ZNF573: variants seen among roughly 807,000 people sequenced by gnomAD.
The protein encoded by ZNF573 is zinc finger protein 573.
Under a neutral mutation model 57.4 loss-of-function variants are expected in ZNF573, and 41 were observed. The ratio of observed to expected loss-of-function variants is 0.71; its 90% CI spans 0.56 to 0.93. The LOEUF (loss-of-function observed/expected upper bound fraction) is 0.93. ZNF573 is among the 40% of genes least tolerant of loss of function. ZNF573 has a pLI of 0.00. For missense variants in ZNF573, 730 were observed against 794.8 expected, an observed-to-expected ratio of 0.92 and a Z score of 0.98; for synonymous variants, 249 against 261.0, an observed-to-expected ratio of 0.95 and a Z score of 0.44.
At chr19:37,763,311 C>T (rs2045570280) in intron 4 of ZNF573, among the ~76,000 whole-genome samples, 1 of 151,192 alleles carries the variant, frequency 6.6e-6, no homozygotes, top group South Asian at 2.1e-4. Flanking sequence ...GGCCAGTTAC[C>T]GGGGCTCAAG....
chr19:37,769,401 G>A lies in ZNF573; in HGVS notation c.295+604C>T, dbSNP rs574345931. ...GTGCAAAAGGGGAGCTGGAAAAACAGTTGAGTCCAAAATACAGGTAAAATA... is the reference window on the plus strand; with the variant it reads ...GTGCAAAAGGGGAGCTGGAAAAACAATTGAGTCCAAAATACAGGTAAAATA... On this transcript the variant is annotated intron_variant, in intron 4 of 4. Transcript: ENST00000536220. 2.0e-5 allele frequency among the ~76,000 whole-genome samples: 3 copies of A among 152,052 alleles called. No homozygotes were observed. The South Asian group carries it at 6.3e-4, about 32-fold the overall frequency.
chr19:37,758,304 TTA>T (rs1491458812), intron 4 of ZNF573, among the ~76,000 whole-genome samples: 4 of 133,818 alleles, frequency 3.0e-5, no homozygotes, highest in Non-Finnish European at 6.3e-5. Flanking sequence ...AGCACGTTTT[TTA>T]AAAAAAAAAA....
intron 1 of ZNF573, among the ~76,000 whole-genome samples, chr19:37,775,949 G>A (rs956360689): frequency 6.6e-6 from 1 of 151,302 alleles, no homozygotes; most frequent in East Asian, 1.9e-4. Flanking sequence ...ATCTCTACAA[G>A]GAAAACTACA....
intron 2 of ZNF573, chr19:37,773,119 AG>A (rs1243271980): frequency 3.4e-6 from 1 of 298,412 alleles, no homozygotes; most frequent in African/African-American, 2.3e-5. Context: ...CAAGTTCAGC[AG>A]AACACATTCA....
intron 4 of ZNF573, among the ~76,000 whole-genome samples, chr19:37,766,501 T>C (rs918409066): frequency 2.0e-5 from 3 of 152,224 alleles, no homozygotes; most frequent in African/African-American, 7.2e-5. Flanking sequence ...CATCAACAGT[T>C]TGTACTCTAG....
At chr19:37,764,860 C>T (rs1292821567) in intron 4 of ZNF573, among the ~76,000 whole-genome samples, 1 of 151,406 alleles carries the variant, frequency 6.6e-6, no homozygotes, top group Admixed American at 6.6e-5. Context: ...GCCTTGGCCT[C>T]CGAAAGTGCT....
chr19:37,754,090 A>T (rs2045464324), intron 4 of ZNF573, among the ~76,000 whole-genome samples: 2 of 152,246 alleles, frequency 1.3e-5, no homozygotes, highest in Admixed American at 6.5e-5. Context: ...TCATGTTCCT[A>T]GAAAAGTTGG....
At chr19:37,744,120 A>G (rs899496023) in intron 4 of ZNF573, among the ~76,000 whole-genome samples, 3 of 151,302 alleles carry the variant, frequency 2.0e-5, no homozygotes, top group African/African-American at 7.3e-5. Context: ...TTTTTTTAGA[A>G]GAAAGGAAAA....
intron 2 of ZNF573, 39 bp downstream of exon 2, chr19:37,773,622 G>C: frequency 6.7e-7 from 1 of 1,481,750 alleles, no homozygotes; most frequent in East Asian, 2.5e-5. Context: ...CATAACCTAT[G>C]ATCATGATAT....
intron 4 of ZNF573, among the ~76,000 whole-genome samples, chr19:37,758,298 C>T (rs1226717395): frequency 2.4e-5 from 1 of 42,400 alleles, no homozygotes; most frequent in African/African-American, 5.5e-5. Flanking sequence ...CTGTGGAGCA[C>T]GTTTTTTAAA....
intron 4 of ZNF573, among the ~76,000 whole-genome samples, chr19:37,769,759 AAAAG>A (rs1327152079): frequency 6.6e-6 from 1 of 151,688 alleles, no homozygotes; most frequent in African/African-American, 2.4e-5. Context: ...AAGAAAAGAA[AAAAG>A]AAAGCCCCAT....
chr19:37,755,832 C>T (rs1195516563), intron 4 of ZNF573, among the ~76,000 whole-genome samples: 1 of 82,248 alleles, frequency 1.2e-5, no homozygotes, highest in Non-Finnish European at 3.4e-5. Flanking sequence ...AATGGTTCTT[C>T]GCAAAAAAAA....
At position 37,741,211 on chromosome 19, in the gene ZNF573, CTCTG is replaced by C. The variant is rs1467699875; in HGVS notation, c.296-1021_296-1018del. Reference sequence around the variant, plus strand: ...TCTTTAGAAAGGCAGTACCTGCTAACTCTGTCTGTCTCTCTATCTTTATCTGTCT... The same window carrying C: ...TCTTTAGAAAGGCAGTACCTGCTAACTCTGTCTCTCTATCTTTATCTGTCT... On this transcript the variant is annotated intron_variant, in intron 4 of 4. Coordinates refer to ENST00000536220, the MANE Select transcript of ZNF573 (RefSeq NM_001172690.2). 9.9e-5 allele frequency among the ~76,000 whole-genome samples: 15 copies of C among 152,264 alleles called. No homozygotes were observed. In the East Asian group the frequency reaches 1.7e-3, roughly 18 times the overall value.
chr19:37,760,260 G>T (rs568333573), intron 4 of ZNF573, among the ~76,000 whole-genome samples: 10 of 152,288 alleles, frequency 6.6e-5, no homozygotes, highest in Admixed American at 3.3e-4. Context: ...AGAAGTGGCT[G>T]ATTCCAGGGC....
chr19:37,767,512 C>A (rs1164131327), intron 4 of ZNF573, among the ~76,000 whole-genome samples: 1 of 152,104 alleles, frequency 6.6e-6, no homozygotes, highest in African/African-American at 2.4e-5. Flanking sequence ...GGATTACAGG[C>A]GTGAGCCACC....
intron 4 of ZNF573, among the ~76,000 whole-genome samples, chr19:37,769,521 T>C (rs1454965491): frequency 7.0e-6 from 1 of 143,184 alleles, no homozygotes; most frequent in Admixed American, 7.0e-5. Context: ...AGGTCAGGAG[T>C]TCAAGACCAG....
chr19:37,739,421 G>A lies in ZNF573; in HGVS notation c.1069C>T (p.Pro357Ser). The stretch of plus-strand genomic sequence containing the variant: ...TTCTTACACTCCTTACATTCATAGG[G>A]TTTTCCACCTTTATGAATTCTCTGA... ...LHQRIHKGGK[P>S]YECKECKKTF... is the part of the protein sequence containing the mutation. The change falls in exon 5 of 5, where the codon CCC becomes TCC. Residue 357 changes from proline (P) to serine (S), a missense_variant. Pro to Ser is a moderately conservative substitution (Grantham distance 74, BLOSUM62 -1). Transcript: ENST00000536220. 1 of 1,614,036 alleles carries A rather than the reference G, an allele frequency of 6.2e-7. No individual in the cohort carries two copies. The highest frequency in any genetic ancestry group is 1.1e-5 in the South Asian group (1 of 91,064).
chr19:37,742,032 T>A (rs539874103), intron 4 of ZNF573, among the ~76,000 whole-genome samples: 1 of 151,906 alleles, frequency 6.6e-6, no homozygotes, highest in East Asian at 1.9e-4. Flanking sequence ...ACACCAACAA[T>A]AGACAAGCAG....
chr19:37,757,341 C>T (rs1325316200), intron 4 of ZNF573, among the ~76,000 whole-genome samples: 3 of 152,052 alleles, frequency 2.0e-5, no homozygotes, highest in East Asian at 1.9e-4. Context: ...AGACTACAGG[C>T]GCCCGCCACC....
Sources: allele counts gnomAD v4.1 joint callset (sites outside exome capture counted in the v4.1 genomes callset), GRCh38; gene constraint gnomAD v4.1.1; transcripts MANE v1.5; gene names NCBI Gene and HGNC (gene_info 2026-07-23, HGNC 2026-07-21).